The following CNOT2 variants were observed in gnomAD, a reference collection of about 807,000 sequenced individuals.
CNOT2 encodes the protein CCR4-NOT transcription complex subunit 2, also known as CC chemokine receptor 4-negative regulator of transcription 2.
In CNOT2, 7 loss-of-function variants were observed where a neutral mutation model predicts 72.1. The observed-to-expected ratio is 0.10, with a 90% CI of 0.06 to 0.18. CNOT2 has a LOEUF of 0.18. CNOT2 is among the 10% of genes least tolerant of loss of function. The pLI is 1.00. For missense variants in CNOT2, 345 were observed against 660.3 expected, an observed-to-expected ratio of 0.52 and a Z score of 5.23; for synonymous variants, 196 against 225.6, an observed-to-expected ratio of 0.87 and a Z score of 1.17.
intron 4 of CNOT2, among the ~76,000 whole-genome samples, chr12:70,320,182 A>G (rs1369002220): frequency 6.6e-6 from 1 of 151,696 alleles, no homozygotes; most frequent in Non-Finnish European, 1.5e-5. Flanking sequence ...ATAAATTCCC[A>G]TCAGACATTA....
intron 4 of CNOT2, among the ~76,000 whole-genome samples, chr12:70,328,150 T>G (rs935295690): frequency 2.0e-5 from 3 of 151,868 alleles, no homozygotes; most frequent in African/African-American, 7.3e-5. Context: ...ATATATTAGT[T>G]ATATTGAATT....
intron 1 of CNOT2, among the ~76,000 whole-genome samples, chr12:70,253,964 C>T (rs555334168): frequency 5.9e-5 from 9 of 152,178 alleles, no homozygotes; most frequent in East Asian, 5.8e-4. Flanking sequence ...ATAGGCCAGG[C>T]GCAGTGGCTC....
chr12:70,256,568 A>C (rs529728655), intron 1 of CNOT2, among the ~76,000 whole-genome samples: 2 of 145,202 alleles, frequency 1.4e-5, no homozygotes, highest in South Asian at 2.2e-4. Flanking sequence ...GTTCTGCTGA[A>C]GGAGACCTGT....
At chr12:70,328,937 T>C (rs576208920) in intron 4 of CNOT2, among the ~76,000 whole-genome samples, 10 of 151,928 alleles carry the variant, frequency 6.6e-5, no homozygotes, top group South Asian at 2.1e-4. Flanking sequence ...AATAGTAAAT[T>C]GGCTTTTTCT....
upstream of CNOT2, chr12:70,243,325 T>A (rs1957657852): frequency 6.6e-6 from 1 of 152,456 alleles, no homozygotes; most frequent in Non-Finnish European, 1.5e-5. Flanking sequence ...ATCGCTGCCG[T>A]TTTGCAGTCG....
chr12:70,303,395 A>T (rs146237992), intron 2 of CNOT2, among the ~76,000 whole-genome samples: 2 of 152,048 alleles, frequency 1.3e-5, no homozygotes, highest in South Asian at 4.1e-4. Context: ...TTCATGAGCT[A>T]TTTTAGGGCA....
At chr12:70,331,508 C>A (rs1431774727) in intron 6 of CNOT2, 1 of 151,756 alleles carries the variant, frequency 6.6e-6, no homozygotes, top group Non-Finnish European at 1.5e-5. Context: ...TAGTTTTTCA[C>A]ATTTTGTTTT....
At chr12:70,350,889 AGT>A (rs61127860) in intron 15 of CNOT2, among the ~76,000 whole-genome samples, 1,695 of 152,276 alleles carry the variant, frequency 0.011, 31 homozygotes, top group African/African-American at 0.038. Context: ...ACACCTCTGC[AGT>A]GTGTGTTTCT....
intron 1 of CNOT2, among the ~76,000 whole-genome samples, chr12:70,257,128 C>G (rs1958494726): frequency 6.6e-6 from 1 of 151,970 alleles, no homozygotes; most frequent in South Asian, 2.1e-4. Flanking sequence ...TCTATAAGTA[C>G]AATCATTTCA....
intron 1 of CNOT2, among the ~76,000 whole-genome samples, chr12:70,271,417 A>T (rs1324795073): frequency 8.3e-6 from 1 of 120,622 alleles, no homozygotes; most frequent in East Asian, 2.4e-4. Context: ...TTTCTTGCCC[A>T]GGCTGGAGTG....
chr12:70,326,920 C>G (rs1879161975), intron 4 of CNOT2, among the ~76,000 whole-genome samples: 1 of 151,844 alleles, frequency 6.6e-6, no homozygotes, highest in African/African-American at 2.4e-5. Flanking sequence ...AGTTTTAGCA[C>G]TAAAATCAGT....
rs1454591913 is a variant in CNOT2, at chr12:70,304,497, G to T, written c.49-6398G>T. Among the ~76,000 whole-genome samples the T allele has an allele frequency of 7.9e-5, 12 of 152,236 alleles. No homozygotes were observed. In the East Asian group the frequency reaches 2.1e-3, roughly 27 times the overall value. On this transcript the variant is annotated intron_variant, in intron 2 of 15. Transcript: ENST00000229195. Reference sequence around the variant, plus strand: ...GACCCTGTTTGCCTGGGTATCAGCAGCGGTGGCTGCAGAAGAGCAGATATT... The same window carrying T: ...GACCCTGTTTGCCTGGGTATCAGCATCGGTGGCTGCAGAAGAGCAGATATT...
intron 4 of CNOT2, among the ~76,000 whole-genome samples, chr12:70,326,052 A>G (rs1409699238): frequency 1.3e-5 from 2 of 151,658 alleles, no homozygotes; most frequent in African/African-American, 4.8e-5. Context: ...ATATTCTTTA[A>G]GGGTTTCTGA....
intron 2 of CNOT2, among the ~76,000 whole-genome samples, chr12:70,302,751 G>A (rs1257911414): frequency 6.6e-6 from 1 of 152,218 alleles, no homozygotes; most frequent in African/African-American, 2.4e-5. Flanking sequence ...GCAGAGCTGA[G>A]TTCAATTCCT....
At chr12:70,278,415 C>A in intron 2 of CNOT2, 141 bp downstream of exon 2, 1 of 551,744 alleles carries the variant, frequency 1.8e-6, no homozygotes. Flanking sequence ...AAATTAAGTA[C>A]TGGATTTGAT....
intron 2 of CNOT2, among the ~76,000 whole-genome samples, chr12:70,299,236 A>G (rs890112674): frequency 2.6e-5 from 4 of 151,900 alleles, no homozygotes; most frequent in East Asian, 1.9e-4. Flanking sequence ...TTTTATTATT[A>G]TTATACTTTA....
In CNOT2 at chr12:70,281,005, AACTT is replaced by A. The variant is rs199629527; in HGVS notation, c.48+2734_48+2737del. Among the ~76,000 whole-genome samples the A allele has an allele frequency of 4.8e-3, 730 of 152,074 alleles. 6 individuals carry two copies. The highest frequency in any genetic ancestry group is 0.016 in the African/African-American group (655 of 41,476). On this transcript the variant is annotated intron_variant, in intron 2 of 15. Coordinates refer to ENST00000229195, the MANE Select transcript of CNOT2 (RefSeq NM_014515.7). Reference sequence around the variant, plus strand: ...TTCTTATCTTCCTCTAATTTAGACTAACTTACCCTAGCTATGAGCATGCACATGC... The same window carrying A: ...TTCTTATCTTCCTCTAATTTAGACTAACCCTAGCTATGAGCATGCACATGC...
intron 2 of CNOT2, among the ~76,000 whole-genome samples, chr12:70,300,600 C>T (rs1004111756): frequency 1.3e-5 from 2 of 152,128 alleles, no homozygotes; most frequent in African/African-American, 4.8e-5. Context: ...GATACCAGTA[C>T]CATGCTGTTT....
Position 70,353,913 on chromosome 12 carries a change from TAAAAAAAAAAAAAAAAA to T in CNOT2, c.*7_*23del. ...CTACAACCCTGCTCAGCAAGCCTTCTAAAAAAAAAAAAAAAAAAAAAAAAAGACTTCCCTTTTCTTGG... is the reference window on the plus strand; with the variant it reads ...CTACAACCCTGCTCAGCAAGCCTTCTAAAAAAAAGACTTCCCTTTTCTTGG... On this transcript the variant is annotated stop_retained_variant and 3_prime_UTR_variant, in exon 16 of 16. Transcript: ENST00000229195. 2.4e-6 allele frequency: 3 copies of T among 1,274,548 alleles called. No homozygotes were observed. The highest frequency in any genetic ancestry group is 3.0e-6 in the Non-Finnish European group (3 of 1,009,126). 79.0% of individuals were successfully genotyped at this position (1,274,548 alleles called of 1,614,324 possible).
Sources: gnomAD v4.1 joint callset for allele counts (sites outside exome capture counted in the v4.1 genomes callset) on GRCh38, gnomAD v4.1.1 for gene constraint, MANE v1.5 for transcripts, NCBI Gene and HGNC (gene_info 2026-07-23, HGNC 2026-07-21) for gene names.